Variants in PCDHA10 observed in about 807,000 individuals in gnomAD.
The protein encoded by PCDHA10 is protocadherin alpha-10.
PCDHA10 carries 45 observed loss-of-function variants against 61.2 expected under a neutral mutation model. The ratio of observed to expected loss-of-function variants is 0.74; its 90% CI spans 0.58 to 0.94. PCDHA10 has a LOEUF of 0.94. Among genes scored for constraint, PCDHA10 ranks in the 40% least tolerant of loss-of-function variants. The pLI, the probability that PCDHA10 is intolerant of heterozygous loss-of-function variation, is 0.00. For synonymous variants in PCDHA10, 602 were observed against 548.8 expected (o/e 1.10, Z -1.35); for missense variants, 1,278 against 1,236.2 (o/e 1.03, Z -0.51).
chr5:140,859,378 T>G lies in PCDHA10; in HGVS notation c.2388+942T>G. The G allele has an allele frequency of 7.4e-6, 2 of 268,578 alleles. 1 individual carries two copies. Among genetic ancestry groups the G allele is most frequent in the Non-Finnish European group, 1.3e-5 (2 of 148,378 alleles). The allele number at this position is 268,578 out of a possible 1,614,324, so 16.6% of individuals were successfully genotyped here. A position where few individuals can be genotyped will look rare whatever the true frequency, so the allele number is the denominator to read the frequency against. On this transcript the variant is annotated intron_variant, in intron 1 of 3. Transcript: ENST00000307360. ...CTGATATATTGTATAGTTTAATAGCTTCTCTAGTCATCTTAAACAGGGTTG... is the reference window on the plus strand; with the variant it reads ...CTGATATATTGTATAGTTTAATAGCGTCTCTAGTCATCTTAAACAGGGTTG...
At chr5:140,917,324 C>CGGGGGGGG (rs1299895515) in intron 1 of PCDHA10, among the ~76,000 whole-genome samples, 1 of 76,104 alleles carries the variant, frequency 1.3e-5, no homozygotes, top group Non-Finnish European at 2.9e-5. Context: ...GTTCATGTGG[C>CGGGGGGGG]GGGGGAGGGG....
At chr5:140,864,370 C>T (rs185774022) in intron 1 of PCDHA10, 45 of 152,264 alleles carry the variant, frequency 3.0e-4, no homozygotes, top group African/African-American at 8.2e-4. Flanking sequence ...TTTCTATAAT[C>T]GATAAGTTTA....
At chr5:141,008,985 A>G (rs566679512) in intron 3 of PCDHA10, among the ~76,000 whole-genome samples, 2 of 152,240 alleles carry the variant, frequency 1.3e-5, no homozygotes, top group South Asian at 4.1e-4. Context: ...AGTTTAATCT[A>G]GACACTAAAA....
intron 1 of PCDHA10, among the ~76,000 whole-genome samples, chr5:140,925,899 G>A (rs149135478): frequency 2.0e-5 from 3 of 151,846 alleles, no homozygotes; most frequent in African/African-American, 7.3e-5. Context: ...CACCCAGATC[G>A]TCAAGGGCCG....
intron 1 of PCDHA10, chr5:140,868,533 C>T (rs1265642890): frequency 6.6e-6 from 1 of 152,534 alleles, no homozygotes; most frequent in African/African-American, 2.4e-5. Context: ...GAAAGTAAAA[C>T]AATTCAAATT....
intron 1 of PCDHA10, chr5:140,882,120 CT>C (rs2058961361): frequency 6.9e-7 from 1 of 1,449,002 alleles, no homozygotes; most frequent in East Asian, 2.3e-5. Flanking sequence ...GCCGCCGTTT[CT>C]TTCTTCCTGC....
chr5:140,888,586 C>T (rs1408191600), intron 1 of PCDHA10, among the ~76,000 whole-genome samples: 1 of 152,154 alleles, frequency 6.6e-6, no homozygotes, highest in East Asian at 1.9e-4. Flanking sequence ...TTTGTTAGTA[C>T]ACATTCAGAG....
chr5:141,000,418 T>C (rs2097923101), intron 3 of PCDHA10, among the ~76,000 whole-genome samples: 1 of 83,682 alleles, frequency 1.2e-5, no homozygotes, highest in Admixed American at 1.7e-4. Flanking sequence ...TATATATATA[T>C]ATATTTTTTT....
intron 1 of PCDHA10, among the ~76,000 whole-genome samples, chr5:140,971,134 G>A (rs1387380195): frequency 6.6e-6 from 1 of 152,170 alleles, no homozygotes; most frequent in African/African-American, 2.4e-5. Context: ...GTGGTGAAGA[G>A]GCATGAACAA....
rs376781836 is a variant in PCDHA10 at position 140,858,274 on chromosome 5, G to A, written c.2226G>A (p.Ala742=). The change falls in exon 1 of 4, where the codon GCG becomes GCA. Residue 742 remains alanine (A), a synonymous_variant. Coordinates refer to ENST00000307360, the MANE Select transcript of PCDHA10 (RefSeq NM_018901.4). ...PVKPTLVCSS[A]VGSWSYSQQR... ...AGCCCACGCTGGTGTGCTCTAGCGCGGTGGGGAGCTGGTCTTACTCGCAGC... is the reference window on the plus strand; with the variant it reads ...AGCCCACGCTGGTGTGCTCTAGCGCAGTGGGGAGCTGGTCTTACTCGCAGC... The A allele has an allele frequency of 1.3e-5, 21 of 1,597,416 alleles. 1 individual carries two copies. The African/African-American group carries it at 2.6e-4, about 19-fold the overall frequency.
At chr5:140,994,785 A>G (rs942763350) in intron 3 of PCDHA10, among the ~76,000 whole-genome samples, 2 of 152,168 alleles carry the variant, frequency 1.3e-5, no homozygotes, top group African/African-American at 4.8e-5. Flanking sequence ...AAAGGAAACA[A>G]TGCGTGCATG....
intron 1 of PCDHA10, among the ~76,000 whole-genome samples, chr5:140,932,458 G>T (rs1316450984): frequency 6.6e-6 from 1 of 151,710 alleles, no homozygotes; most frequent in African/African-American, 2.4e-5. Flanking sequence ...TTTTGCCAGG[G>T]TATATAGGAA....
At chr5:140,971,038 A>G (rs948457676) in intron 1 of PCDHA10, among the ~76,000 whole-genome samples, 4 of 152,216 alleles carry the variant, frequency 2.6e-5, no homozygotes, top group Non-Finnish European at 5.9e-5. Context: ...GAAAGCACGT[A>G]AAAGGGTTTA....
At chr5:140,863,032 G>T (rs781870887) in intron 1 of PCDHA10, 2 of 556,874 alleles carry the variant, frequency 3.6e-6, no homozygotes, top group East Asian at 9.4e-5. Context: ...CGCAACAGCT[G>T]CATCTGTCAG....
intron 3 of PCDHA10, among the ~76,000 whole-genome samples, chr5:141,001,247 A>G (rs547699044): frequency 1.3e-5 from 2 of 152,256 alleles, no homozygotes; most frequent in African/African-American, 2.4e-5. Flanking sequence ...AATCAACCCT[A>G]TGGGGCGGGC....
intron 1 of PCDHA10, chr5:140,859,527 A>T (rs1435954408): frequency 5.2e-6 from 1 of 191,864 alleles, no homozygotes; most frequent in African/African-American, 2.4e-5. Flanking sequence ...TTTTAAAAAA[A>T]ATTTATTAAT....
chr5:140,909,072 C>A (rs2074300655), intron 1 of PCDHA10, among the ~76,000 whole-genome samples: 1 of 152,162 alleles, frequency 6.6e-6, no homozygotes, highest in African/African-American at 2.4e-5. Flanking sequence ...CCAATAAGCC[C>A]AGTGTGTTTG....
chr5:140,939,562 G>C (rs1584985766), intron 1 of PCDHA10, among the ~76,000 whole-genome samples: 1 of 152,158 alleles, frequency 6.6e-6, no homozygotes, highest in Middle Eastern at 3.4e-3. Flanking sequence ...TATTAGTTTG[G>C]TTAATCAAAA....
rs782316296 is a variant in PCDHA10 at position 140,927,382 on chromosome 5, AG to A, written c.2389-51566del. Reference sequence around the variant, plus strand: ...CAATGGGATACTAAGCTACAGCCTAAGCCCCAGTCAGCACTTTCGCCTGGAC... The same window carrying A: ...CAATGGGATACTAAGCTACAGCCTAACCCCAGTCAGCACTTTCGCCTGGAC... On this transcript the variant is annotated intron_variant, in intron 1 of 3. Coordinates refer to ENST00000307360, the MANE Select transcript of PCDHA10 (RefSeq NM_018901.4). 6 of 1,614,012 alleles carry A rather than the reference AG, an allele frequency of 3.7e-6. No homozygotes were observed. The African/African-American group carries it at 8.0e-5, about 22-fold the overall frequency.
Sources: allele counts gnomAD v4.1 joint callset (sites outside exome capture counted in the v4.1 genomes callset), GRCh38; gene constraint gnomAD v4.1.1; transcripts MANE v1.5; gene names NCBI Gene and HGNC (gene_info 2026-07-23, HGNC 2026-07-21).